HSP90AA1: variants seen among roughly 807,000 people sequenced by gnomAD.
HSP90AA1 encodes the protein heat shock protein HSP 90-alpha.
HSP90AA1 carries 18 observed loss-of-function variants against 73.3 expected under a neutral mutation model. The observed-to-expected ratio is 0.25, with a 90% CI of 0.17 to 0.36. The LOEUF is 0.36. HSP90AA1 is among the 10% of genes least tolerant of loss of function. The probability of loss-of-function intolerance (pLI) is 1.00; values close to 1 mark genes in which losing one functional copy is unlikely to be tolerated. For synonymous variants in HSP90AA1, 477 were observed against 296.9 expected (o/e 1.61, Z -6.24); for missense variants, 704 against 874.2 (o/e 0.81, Z 2.45).
intron 1 of HSP90AA1, among the ~76,000 whole-genome samples, chr14:102,126,958 AT>A (rs2049847105): frequency 6.6e-6 from 1 of 152,134 alleles, no homozygotes; most frequent in Non-Finnish European, 1.5e-5. Flanking sequence ...ACAGCAATCT[AT>A]GGCTAAAAAT....
chr14:102,097,330 A>AG (rs1221237933), intron 2 of HSP90AA1, among the ~76,000 whole-genome samples: 2 of 151,566 alleles, frequency 1.3e-5, no homozygotes, highest in African/African-American at 4.8e-5. Context: ...GTTAAAAAAA[A>AG]AAAAAAGGAA....
At position 102,085,260 on chromosome 14, in the gene HSP90AA1, C is replaced by T. The variant is rs184564544; in HGVS notation, c.663+38G>A. 5.3e-4 allele frequency: 851 copies of T among 1,598,010 alleles called. 5 individuals carry two copies. In the African/African-American group the frequency reaches 9.4e-3, roughly 18 times the overall value. On this transcript the variant is annotated intron_variant, in intron 4 of 10. Transcript: ENST00000216281. ...GTAGTACAGTCACCCCAATCACCTACAGACAGAAATTCACTCTGCAATTAC... is the reference window on the plus strand; with the variant it reads ...GTAGTACAGTCACCCCAATCACCTATAGACAGAAATTCACTCTGCAATTAC...
chr14:102,138,293 A>G (rs115126614), intron 1 of HSP90AA1, among the ~76,000 whole-genome samples: 387 of 152,286 alleles, frequency 2.5e-3, no homozygotes, highest in African/African-American at 9.0e-3. Flanking sequence ...AGATGATTCA[A>G]GATGCCACTA....
intron 2 of HSP90AA1, among the ~76,000 whole-genome samples, chr14:102,094,763 G>A (rs2049402837): frequency 6.6e-6 from 1 of 152,148 alleles, no homozygotes; most frequent in African/African-American, 2.4e-5. Flanking sequence ...AGGGGCCAAG[G>A]GACTGGAAAC....
chr14:102,084,622 G>T (rs1446619500), intron 5 of HSP90AA1, 58 bp from the exon 6 acceptor site: 5 of 1,613,934 alleles, frequency 3.1e-6, no homozygotes, highest in Middle Eastern at 1.6e-4. Context: ...AAGATATTTG[G>T]GGTGGTGGAG....
chr14:102,139,701 C>A (rs1316743529), upstream of HSP90AA1: 2 of 698,058 alleles, frequency 2.9e-6, no homozygotes, highest in Non-Finnish European at 4.7e-6. Flanking sequence ...GAGGAGCCTG[C>A]GGACGCCCAG....
chr14:102,081,926 A>G lies in HSP90AA1; in HGVS notation c.2090-105T>C, dbSNP rs183194166. ...CTTTCAAGACAGTATTACAGGACAT[A>G]TGAGTCTCAATTTCATTTCTTTGCT... On this transcript the variant is annotated intron_variant, in intron 10 of 10. Coordinates refer to ENST00000216281, the MANE Select transcript of HSP90AA1 (RefSeq NM_005348.4). The G allele has an allele frequency of 6.1e-4, 477 of 787,526 alleles. 4 individuals are homozygous for G. In the African/African-American group the frequency reaches 7.3e-3, roughly 12 times the overall value. The allele number at this position is 787,526 out of a possible 1,614,324, so 48.8% of individuals were successfully genotyped here. A position where few individuals can be genotyped will look rare whatever the true frequency, so the allele number is the denominator to read the frequency against.
chr14:102,090,513 G>T (rs1428808010), upstream of HSP90AA1, among the ~76,000 whole-genome samples: 1 of 150,996 alleles, frequency 6.6e-6, no homozygotes, highest in Non-Finnish European at 1.5e-5. Flanking sequence ...GCAGTGGTGC[G>T]ATCTTGGCTT....
At chr14:102,087,944 T>C (rs1367506667), upstream of HSP90AA1, among the ~76,000 whole-genome samples, 33 of 120,914 alleles carry the variant, frequency 2.7e-4, 1 homozygote, top group East Asian at 4.2e-3. Flanking sequence ...TTTTTTTTTT[T>C]TTTTTTCTTT....
intron 1 of HSP90AA1, among the ~76,000 whole-genome samples, chr14:102,086,692 C>A (rs1169173492): frequency 2.0e-5 from 3 of 150,868 alleles, no homozygotes; most frequent in Non-Finnish European, 4.4e-5. Context: ...CCTGCGCCCC[C>A]AGCGGGGCCG....
chr14:102,084,959 C>A lies in HSP90AA1; in HGVS notation c.703G>T (p.Ala235Ser). The part of the protein sequence containing the change: ...ERDKEVSDDE[A>S]EEKEDKEEEK... ...TCTTCTTTGTCTTCCTTTTCTTCAGCCTCATCATCGCTTACTTCTTTATCA... is the reference window on the plus strand; with the variant it reads ...TCTTCTTTGTCTTCCTTTTCTTCAGACTCATCATCGCTTACTTCTTTATCA... Residue 235 changes from alanine to serine, a missense_variant, in exon 5 of 11, where the codon GCT becomes TCT. Ala to Ser is a moderately conservative substitution (Grantham distance 99). Coordinates refer to ENST00000216281, the MANE Select transcript of HSP90AA1 (RefSeq NM_005348.4). 6.2e-7 allele frequency: 1 copy of A among 1,607,966 alleles called. No homozygotes were observed. The highest frequency in any genetic ancestry group is 8.5e-7 in the Non-Finnish European group (1 of 1,174,560).
chr14:102,110,038 A>C (rs904192738), intron 1 of HSP90AA1, among the ~76,000 whole-genome samples: 1 of 151,996 alleles, frequency 6.6e-6, no homozygotes, highest in Non-Finnish European at 1.5e-5. Flanking sequence ...GGTTCAAGCG[A>C]TTCTTCTGCC....
chr14:102,087,954 T>TTC (rs1221448411), upstream of HSP90AA1, among the ~76,000 whole-genome samples: 6 of 141,752 alleles, frequency 4.2e-5, no homozygotes, highest in Non-Finnish European at 9.2e-5. Flanking sequence ...TTTTTTTCTT[T>TTC]TTTTTTTTTT....
intron 1 of HSP90AA1, among the ~76,000 whole-genome samples, chr14:102,103,784 A>T (rs2049526936): frequency 1.3e-5 from 2 of 151,742 alleles, no homozygotes; most frequent in Non-Finnish European, 2.9e-5. Context: ...AGCCTGGGCA[A>T]CAAAAGCAAA....
rs200106034 is a variant in HSP90AA1 at position 102,083,526 on chromosome 14, G to A, written c.1486+20C>T. The A allele has an allele frequency of 4.3e-6, 7 of 1,610,474 alleles. No individual in the cohort carries two copies. Among genetic ancestry groups the A allele is most frequent in the African/African-American group, 1.3e-5 (1 of 74,972 alleles). On this transcript the variant is annotated intron_variant, in intron 8 of 10. Coordinates refer to ENST00000216281, the MANE Select transcript of HSP90AA1 (RefSeq NM_005348.4). ...GATTGTAAGAACGACGTGTATGACT[G>A]TAACATAGTGTTCTCTTACCTGTGA...
chr14:102,133,725 C>T (rs1406955756), intron 1 of HSP90AA1, among the ~76,000 whole-genome samples: 4 of 151,956 alleles, frequency 2.6e-5, no homozygotes, highest in African/African-American at 4.8e-5. Flanking sequence ...TCAGATGATC[C>T]GCCCGCCTCA....
At chr14:102,087,268 G>T (rs576128273), upstream of HSP90AA1, 71 of 574,124 alleles carry the variant, frequency 1.2e-4, 1 homozygote, top group South Asian at 2.4e-3. Context: ...CTCAATCGCC[G>T]CCGCGCGCCT....
At chr14:102,102,958 G>A (rs988027854) in intron 1 of HSP90AA1, among the ~76,000 whole-genome samples, 1 of 151,908 alleles carries the variant, frequency 6.6e-6, no homozygotes, top group Non-Finnish European at 1.5e-5. Context: ...GTGGGCAGAT[G>A]ACCTGAGGTC....
At chr14:102,102,315 A>G (rs2049504890) in intron 1 of HSP90AA1, among the ~76,000 whole-genome samples, 1 of 152,182 alleles carries the variant, frequency 6.6e-6, no homozygotes, top group East Asian at 1.9e-4. Flanking sequence ...TGGATGCTGT[A>G]TGGCCTGATC....
Sources: gnomAD v4.1 joint callset for allele counts (sites outside exome capture counted in the v4.1 genomes callset) on GRCh38, gnomAD v4.1.1 for gene constraint, MANE v1.5 for transcripts, NCBI Gene and HGNC (gene_info 2026-07-23, HGNC 2026-07-21) for gene names.